The following ADGRL3 variants were observed in gnomAD, a reference collection of about 807,000 sequenced individuals.
ADGRL3 encodes adhesion G protein-coupled receptor L3.
In ADGRL3, 62 loss-of-function variants were observed where a neutral mutation model predicts 153.5. That is an observed-to-expected ratio of 0.40 (90% confidence interval 0.33 to 0.50). ADGRL3 has a LOEUF of 0.50. Ranked by LOEUF, ADGRL3 falls within the 20% of genes least tolerant of loss-of-function variation. The pLI, the probability that ADGRL3 is intolerant of heterozygous loss-of-function variation, is 0.47. For missense variants in ADGRL3, 1,641 were observed against 1,859.4 expected (o/e 0.88, Z 2.16); for synonymous variants, 710 against 672.5 (o/e 1.06, Z -0.86).
intron 9 of ADGRL3, among the ~76,000 whole-genome samples, chr4:61,885,259 C>T (rs1008389345): frequency 2.6e-5 from 4 of 151,974 alleles, no homozygotes; most frequent in East Asian, 3.9e-4. Flanking sequence ...ACCCAGGAGG[C>T]GGAGGTTGTG....
intron 2 of ADGRL3, among the ~76,000 whole-genome samples, 167 bp from the exon 3 acceptor site, chr4:61,496,954 A>C (rs2098326631): frequency 6.6e-6 from 1 of 152,102 alleles, no homozygotes; most frequent in Non-Finnish European, 1.5e-5. Flanking sequence ...AAAAAAAAAA[A>C]AATCAGTATA....
chr4:61,566,193 G>C (rs1195175894), intron 4 of ADGRL3, among the ~76,000 whole-genome samples: 3 of 152,114 alleles, frequency 2.0e-5, no homozygotes, highest in Non-Finnish European at 4.4e-5. Context: ...TTGCAGGGTT[G>C]GTTTCTGCTC....
Position 62,075,095 on chromosome 4 carries a change from A to G in ADGRL3, c.*4187A>G, listed in dbSNP as rs1271641737. 6.6e-6 allele frequency: 1 copy of G among 152,156 alleles called. No individual in the cohort carries two copies. The highest frequency in any genetic ancestry group is 1.5e-5 in the Non-Finnish European group (1 of 68,020). 9.4% of individuals were successfully genotyped at this position (152,156 alleles called of 1,614,324 possible). On this transcript the variant is annotated 3_prime_UTR_variant, in exon 27 of 27. Transcript: ENST00000683033. ...CAAGTTTTCTAAAGATCAACTCCAG[A>G]CTAATCTATATCATCCCCTAATAAT...
chr4:62,003,557 A>G (rs1232749694), intron 21 of ADGRL3, among the ~76,000 whole-genome samples: 1 of 152,134 alleles, frequency 6.6e-6, no homozygotes. Flanking sequence ...GCTTTGTGAT[A>G]ATTACATGAA....
intron 4 of ADGRL3, among the ~76,000 whole-genome samples, chr4:61,528,451 A>C (rs2098589202): frequency 6.6e-6 from 1 of 152,082 alleles, no homozygotes; most frequent in Non-Finnish European, 1.5e-5. Context: ...CACCCCAGAC[A>C]CCCAGAATTG....
intron 17 of ADGRL3, among the ~76,000 whole-genome samples, chr4:61,958,060 C>G (rs1473157747): frequency 6.6e-6 from 1 of 152,124 alleles, no homozygotes; most frequent in Non-Finnish European, 1.5e-5. Context: ...TAAAAGTTAA[C>G]TTTCTTTTCA....
intron 4 of ADGRL3, 119 bp from the exon 5 acceptor site, chr4:61,587,108 T>A: frequency 3.8e-6 from 2 of 523,670 alleles, no homozygotes; most frequent in East Asian, 5.9e-5. Context: ...AAATTATGAA[T>A]CTTAACTGCT....
At chr4:61,318,686 C>A (rs991671496) in intron 1 of ADGRL3, among the ~76,000 whole-genome samples, 12 of 152,100 alleles carry the variant, frequency 7.9e-5, no homozygotes, top group Admixed American at 5.9e-4. Flanking sequence ...CATTAGAGAC[C>A]TTCATCAGGG....
At chr4:61,328,055 C>T (rs4860410) in intron 1 of ADGRL3, among the ~76,000 whole-genome samples, 122,055 of 151,906 alleles carry the variant, frequency 0.8, 49,277 homozygotes, top group East Asian at 0.98. Flanking sequence ...GACTTGATTG[C>T]TTTGGATTGG....
In ADGRL3 at chr4:61,626,347, C is replaced by T. The variant is rs117077792; in HGVS notation, c.473+38907C>T. On this transcript the variant is annotated intron_variant, in intron 5 of 26. Transcript: ENST00000683033. ...TCATAATTCAGCCTATTTCTTCAAA[C>T]GCAAAATTTAGGTAAGAACCAAGTT... 3.2e-4 allele frequency among the ~76,000 whole-genome samples: 48 copies of T among 152,006 alleles called. No individual in the cohort carries two copies. The East Asian group carries it at 6.2e-3, about 20-fold the overall frequency.
intron 1 of ADGRL3, among the ~76,000 whole-genome samples, chr4:61,338,276 TAAA>T (rs571090815): frequency 7.2e-6 from 1 of 138,014 alleles, no homozygotes. Context: ...TGTCTCAATT[TAAA>T]AAAAAAAAAA....
intron 1 of ADGRL3, among the ~76,000 whole-genome samples, chr4:61,321,179 T>A (rs531224126): frequency 1.3e-5 from 2 of 152,280 alleles, no homozygotes; most frequent in Admixed American, 6.5e-5. Flanking sequence ...CATAATAAGC[T>A]CTGAGCTTTA....
In ADGRL3 at chr4:62,072,609, C is replaced by A. The variant is rs140494869; in HGVS notation, c.*1701C>A. 25 of 152,240 alleles carry A rather than the reference C, an allele frequency of 1.6e-4. No homozygotes were observed. Among genetic ancestry groups the A allele is most frequent in the African/African-American group, 6.0e-4 (25 of 41,536 alleles). 9.4% of individuals were successfully genotyped at this position (152,240 alleles called of 1,614,324 possible). On this transcript the variant is annotated 3_prime_UTR_variant, in exon 27 of 27. Transcript: ENST00000683033. The stretch of plus-strand genomic sequence containing the variant: ...TGAATAAGCTAAGCACAAAATCATA[C>A]AGGTTTGCAGACAAAGTAAACCAGA...
chr4:61,299,195 G>A (rs757177880), intron 1 of ADGRL3, among the ~76,000 whole-genome samples: 1 of 151,640 alleles, frequency 6.6e-6, no homozygotes, highest in Non-Finnish European at 1.5e-5. Flanking sequence ...TTAGATTTCA[G>A]TGGCATCGTT....
intron 21 of ADGRL3, among the ~76,000 whole-genome samples, chr4:62,027,345 A>G (rs1020501699): frequency 2.0e-5 from 3 of 152,016 alleles, no homozygotes; most frequent in Non-Finnish European, 4.4e-5. Flanking sequence ...GTACTGACCA[A>G]TAGAACTTTC....
intron 16 of ADGRL3, among the ~76,000 whole-genome samples, chr4:61,947,789 G>T (rs1374057691): frequency 1.3e-5 from 2 of 152,166 alleles, no homozygotes; most frequent in African/African-American, 4.8e-5. Context: ...GATGTTGGTT[G>T]TTAAGAGCAA....
intron 3 of ADGRL3, among the ~76,000 whole-genome samples, chr4:61,504,483 T>C (rs908783919): frequency 5.3e-5 from 8 of 152,194 alleles, no homozygotes; most frequent in African/African-American, 1.9e-4. Flanking sequence ...CATCTCAAAT[T>C]TTTATTTATA....
At chr4:61,879,669 C>G (rs2098497871) in intron 9 of ADGRL3, among the ~76,000 whole-genome samples, 1 of 152,048 alleles carries the variant, frequency 6.6e-6, no homozygotes, top group African/African-American at 2.4e-5. Flanking sequence ...AGAAAACAAT[C>G]AAGAGAAAGC....
At chr4:61,374,731 TG>T (rs2151803186) in intron 1 of ADGRL3, among the ~76,000 whole-genome samples, 1 of 152,296 alleles carries the variant, frequency 6.6e-6, no homozygotes, top group East Asian at 1.9e-4. Flanking sequence ...TTTTCACTTG[TG>T]CAGAAGCATT....
Sources: allele counts gnomAD v4.1 joint callset (sites outside exome capture counted in the v4.1 genomes callset), GRCh38; gene constraint gnomAD v4.1.1; transcripts MANE v1.5; gene names NCBI Gene and HGNC (gene_info 2026-07-23, HGNC 2026-07-21).